The following ZNF532 variants were observed in gnomAD, a reference collection of about 807,000 sequenced individuals.
The protein encoded by ZNF532 is zinc finger protein 532.
Under a neutral mutation model 89.3 loss-of-function variants are expected in ZNF532, and 22 were observed. The ratio of observed to expected loss-of-function variants is 0.25; its 90% CI spans 0.18 to 0.35. The LOEUF (loss-of-function observed/expected upper bound fraction) is 0.35, where lower values mean the gene tolerates loss of function less well. ZNF532 is among the 10% of genes least tolerant of loss of function. The pLI is 1.00. For synonymous variants in ZNF532, 606 were observed against 649.6 expected, an observed-to-expected ratio of 0.93 and a Z score of 1.02; for missense variants, 1,132 against 1,643.4, an observed-to-expected ratio of 0.69 and a Z score of 5.38.
In ZNF532 at chr18:58,919,465, C is replaced by T. The variant is rs1568320375; in HGVS notation, c.1178C>T (p.Ser393Phe). The T allele has an allele frequency of 3.7e-6, 6 of 1,614,224 alleles. No individual in the cohort carries two copies. Among genetic ancestry groups the T allele is most frequent in the Non-Finnish European group, 5.1e-6 (6 of 1,180,046 alleles). The change falls in exon 3 of 10, where the codon TCC becomes TTC. Residue 393 changes from serine (S) to phenylalanine (F), a missense_variant. Physicochemically the swap from Ser to Phe is radical, Grantham distance 155 (BLOSUM62 -2). This residue lies in a region of ZNF532 where 124 missense variants were observed against 191.6 expected (regional missense o/e 0.65). Coordinates refer to ENST00000591808, the MANE Select transcript of ZNF532 (RefSeq NM_001375912.1). This position sits in a 1 kb window ranked among gnomAD's most constrained non-coding sequence, Gnocchi z 6.1. ...GATCTTGACTCTGGAAAGAAACCTT[C>T]CGAGCAGACAGCGTCCGTGATGGCC... is the stretch of plus-strand genomic sequence containing the variant. ...EVDLDSGKKP[S>F]EQTASVMASV...
At chr18:58,966,949 CTTGTTA>C (rs1398441331) in intron 7 of ZNF532, among the ~76,000 whole-genome samples, 3 of 152,072 alleles carry the variant, frequency 2.0e-5, no homozygotes, top group Admixed American at 6.5e-5. Flanking sequence ...TTTATTAACT[CTTGTTA>C]TTGTTATGGT....
chr18:58,904,367 A>T (rs1447776484), intron 2 of ZNF532, among the ~76,000 whole-genome samples: 1 of 128,654 alleles, frequency 7.8e-6, no homozygotes, highest in Non-Finnish European at 1.6e-5. Context: ...AAAAAAAAAT[A>T]ATGTATATGG....
At chr18:58,983,158 G>A (rs1360455403) in intron 9 of ZNF532, among the ~76,000 whole-genome samples, 3 of 152,174 alleles carry the variant, frequency 2.0e-5, no homozygotes, top group South Asian at 2.1e-4. Context: ...TCATGGCCAC[G>A]TGTGAAGGTG....
At chr18:58,907,386 A>G (rs1043180495) in intron 2 of ZNF532, among the ~76,000 whole-genome samples, 2 of 151,988 alleles carry the variant, frequency 1.3e-5, no homozygotes, top group Non-Finnish European at 2.9e-5. Context: ...GGGTTTTACC[A>G]TGTCAGCCAG....
In ZNF532 at chr18:58,920,317, G is replaced by A; in HGVS notation, c.2030G>A (p.Cys677Tyr). ...GHKEKGVVMQ[C>Y]SHLILKPVPA... Reference sequence around the variant, plus strand: ...AAGGAGAAAGGGGTGGTAATGCAATGCTCCCACTTAATTTTAAAGCCAGTC... The same window carrying A: ...AAGGAGAAAGGGGTGGTAATGCAATACTCCCACTTAATTTTAAAGCCAGTC... Residue 677 changes from cysteine to tyrosine, a missense_variant, in exon 3 of 10, where the codon TGC becomes TAC. Physicochemically the swap from Cys to Tyr is radical, Grantham distance 194. Coordinates refer to ENST00000591808, the MANE Select transcript of ZNF532 (RefSeq NM_001375912.1). The A allele has an allele frequency of 1.2e-6, 2 of 1,613,982 alleles. No individual in the cohort carries two copies. Among genetic ancestry groups the A allele is most frequent in the Non-Finnish European group, 1.7e-6 (2 of 1,179,884 alleles).
chr18:58,881,087 T>A (rs1368061083), intron 2 of ZNF532, among the ~76,000 whole-genome samples: 2 of 151,996 alleles, frequency 1.3e-5, no homozygotes, highest in South Asian at 4.1e-4. Flanking sequence ...GCATCTGTTT[T>A]GCTTCTTTTT....
chr18:58,936,080 G>C (rs1265519817), intron 4 of ZNF532, among the ~76,000 whole-genome samples: 1 of 152,144 alleles, frequency 6.6e-6, no homozygotes, highest in Non-Finnish European at 1.5e-5. Flanking sequence ...GAAACCTTTG[G>C]CTTGGAAATC....
intron 3 of ZNF532, among the ~76,000 whole-genome samples, chr18:58,921,942 A>C (rs12955713): frequency 0.41 from 62,806 of 151,746 alleles, 13,461 homozygotes; most frequent in East Asian, 0.58. Flanking sequence ...CTCATCTCTA[A>C]CAAAAATACC....
chr18:58,931,997 A>AG (rs981705919), intron 3 of ZNF532, among the ~76,000 whole-genome samples: 2 of 152,158 alleles, frequency 1.3e-5, no homozygotes, highest in African/African-American at 4.8e-5. Context: ...TAGAGGAGGC[A>AG]GGTGAATAAA....
rs1188591397 is a variant in ZNF532 at position 58,919,423 on chromosome 18, G to C, written c.1136G>C (p.Arg379Thr). ...SSGEIKRTVT[R>T]VLPEVDLDSG... Reference sequence around the variant, plus strand: ...GGGGAAATCAAGAGAACAGTGACCAGGGTATTGCCAGAAGTGGATCTTGAC... The same window carrying C: ...GGGGAAATCAAGAGAACAGTGACCACGGTATTGCCAGAAGTGGATCTTGAC... Residue 379 changes from arginine (R) to threonine (T), a missense_variant, in exon 3 of 10, where the codon AGG becomes ACG. Arg to Thr is a moderately conservative substitution (Grantham distance 71). Around this residue, in one of 9 missense-constraint regions of ZNF532, gnomAD observed 124 missense variants for 191.6 expected, o/e 0.65. Coordinates refer to ENST00000591808, the MANE Select transcript of ZNF532 (RefSeq NM_001375912.1). The surrounding 1 kb of genome is among the most constrained non-coding windows in gnomAD (Gnocchi z 6.1). 1 of 1,614,086 alleles carries C rather than the reference G, an allele frequency of 6.2e-7. No homozygotes were observed. The highest frequency in any genetic ancestry group is 8.5e-7 in the Non-Finnish European group (1 of 1,180,052).
intron 2 of ZNF532, among the ~76,000 whole-genome samples, chr18:58,888,743 T>TATA (rs1555709077): frequency 2.4e-5 from 1 of 41,550 alleles, no homozygotes; most frequent in Non-Finnish European, 3.4e-5. Flanking sequence ...TATATATATT[T>TATA]TATATATATA....
intron 2 of ZNF532, among the ~76,000 whole-genome samples, chr18:58,880,015 G>A (rs571175543): frequency 2.6e-4 from 39 of 152,172 alleles, no homozygotes; most frequent in Non-Finnish European, 4.3e-4. Context: ...TACAAAAAAG[G>A]GAAGGATTGG....
intron 7 of ZNF532, among the ~76,000 whole-genome samples, chr18:58,954,783 G>A (rs1332499466): frequency 2.0e-5 from 3 of 150,074 alleles, no homozygotes; most frequent in African/African-American, 7.4e-5. Context: ...CATGATCTCG[G>A]CTTGCTGCAA....
Position 58,879,371 on chromosome 18 carries a change from G to A in ZNF532, c.-18+13792G>A, listed in dbSNP as rs183242238. Among the ~76,000 whole-genome samples the A allele has an allele frequency of 1.1e-3, 169 of 152,276 alleles. 1 individual carries two copies. The highest frequency in any genetic ancestry group is 3.8e-3 in the African/African-American group (156 of 41,566). On this transcript the variant is annotated intron_variant, in intron 2 of 9. Coordinates refer to ENST00000591808, the MANE Select transcript of ZNF532 (RefSeq NM_001375912.1). ...TTATTGGGTAAGTGTAAAAGCTGGC[G>A]GCAAAAAGACAATGCAAGTGGCGAC...
At position 58,869,190 on chromosome 18, in the gene ZNF532, A is replaced by C. The variant is rs59827254; in HGVS notation, c.-18+3611A>C. Reference sequence around the variant, plus strand: ...TGGCTGGATCACATGGTACATACATAAGAGTTAGAAGTTTGAATGAAAATA... The same window carrying C: ...TGGCTGGATCACATGGTACATACATCAGAGTTAGAAGTTTGAATGAAAATA... On this transcript the variant is annotated intron_variant, in intron 2 of 9. Transcript: ENST00000591808. Among the ~76,000 whole-genome samples, 539 of 152,346 alleles carry C rather than the reference A, an allele frequency of 3.5e-3. 2 individuals carry two copies. The highest frequency in any genetic ancestry group is 0.011 in the African/African-American group (472 of 41,566).
intron 7 of ZNF532, chr18:58,954,161 A>G: frequency 1.0e-6 from 1 of 976,520 alleles, no homozygotes; most frequent in East Asian, 1.0e-4. Context: ...AGGAGCAGAG[A>G]AAGACAGTGG....
At chr18:58,922,326 AGT>A (rs2061171711) in intron 3 of ZNF532, among the ~76,000 whole-genome samples, 1 of 152,166 alleles carries the variant, frequency 6.6e-6, no homozygotes, top group Non-Finnish European at 1.5e-5. Flanking sequence ...TACTGGTTTA[AGT>A]TCTTTGTAGC....
intron 2 of ZNF532, among the ~76,000 whole-genome samples, chr18:58,872,127 TTTTTAGCTGTCTCA>T (rs1177910934): frequency 6.6e-6 from 1 of 152,222 alleles, no homozygotes; most frequent in Non-Finnish European, 1.5e-5. Context: ...CAGAGCGGCT[TTTTTAGCTGTCTCA>T]CATATTCCTT....
chr18:58,968,300 A>C (rs1045448642), intron 7 of ZNF532, among the ~76,000 whole-genome samples: 1 of 152,154 alleles, frequency 6.6e-6, no homozygotes, highest in African/African-American at 2.4e-5. Context: ...TCCTGGCCAA[A>C]AATATTTCAG....
Sources: allele counts gnomAD v4.1 joint callset (sites outside exome capture counted in the v4.1 genomes callset), GRCh38; gene constraint gnomAD v4.1.1; regional missense constraint gnomAD v4.1.1; non-coding constraint Gnocchi (gnomAD v3.1); transcripts MANE v1.5; gene names NCBI Gene and HGNC (gene_info 2026-07-23, HGNC 2026-07-21).